FBXO7: variants seen among roughly 807,000 people sequenced by gnomAD.
FBXO7 encodes F-box protein 7.
In FBXO7, 31 loss-of-function variants were observed where a neutral mutation model predicts 50.2. The observed-to-expected ratio is 0.62, with a 90% CI of 0.46 to 0.83. The LOEUF (loss-of-function observed/expected upper bound fraction) is 0.83. Among genes scored for constraint, FBXO7 ranks in the 40% least tolerant of loss-of-function variants. The pLI, the probability that FBXO7 is intolerant of heterozygous loss-of-function variation, is 0.00. For synonymous variants in FBXO7, 256 were observed against 253.1 expected (o/e 1.01, Z -0.11); for missense variants, 667 against 646.6 (o/e 1.03, Z -0.34).
At chr22:32,493,711 T>G (rs147671408) in intron 7 of FBXO7, among the ~76,000 whole-genome samples, 2 of 152,318 alleles carry the variant, frequency 1.3e-5, no homozygotes, top group African/African-American at 4.8e-5. Context: ...GGTAATTATT[T>G]TGGCAGTGAT....
At chr22:32,480,879 T>C (rs1475926852) in intron 2 of FBXO7, among the ~76,000 whole-genome samples, 3 of 152,174 alleles carry the variant, frequency 2.0e-5, no homozygotes, top group Non-Finnish European at 1.5e-5. Flanking sequence ...TTGCTCAGGC[T>C]GGTCTTGAAC....
chr22:32,491,347 T>G (rs1362623076), intron 6 of FBXO7, 166 bp downstream of exon 6: 2 of 589,058 alleles, frequency 3.4e-6, no homozygotes, highest in East Asian at 5.9e-5. Context: ...TACTTTATCT[T>G]TGTATCTCCA....
rs1177279211 is a variant in FBXO7, at chr22:32,483,889, T to C, written c.418-8T>C. 1 of 1,612,182 alleles carries C rather than the reference T, an allele frequency of 6.2e-7. No homozygotes were observed. The highest frequency in any genetic ancestry group is 8.5e-7 in the Non-Finnish European group (1 of 1,178,312). On this transcript the variant is annotated splice_region_variant and splice_polypyrimidine_tract_variant and intron_variant, in intron 2 of 8. Transcript: ENST00000266087. ...TAATTAATTCATTGTTTTGTTTTCC[T>C]TTTTCAGTTAGGGCCTAGTCAAAAT...
At chr22:32,496,000 A>C (rs565431402) in intron 8 of FBXO7, among the ~76,000 whole-genome samples, 5 of 152,372 alleles carry the variant, frequency 3.3e-5, no homozygotes, top group Admixed American at 1.3e-4. Flanking sequence ...ATTACACAAC[A>C]GATTTTCAGT....
chr22:32,479,770 G>A (rs1469909524), intron 2 of FBXO7, among the ~76,000 whole-genome samples: 1 of 152,078 alleles, frequency 6.6e-6, no homozygotes, highest in Non-Finnish European at 1.5e-5. Flanking sequence ...GCATCCCAAA[G>A]TACCTAGTGT....
chr22:32,477,318 A>C (rs2057435341), intron 1 of FBXO7, among the ~76,000 whole-genome samples: 1 of 152,262 alleles, frequency 6.6e-6, no homozygotes, highest in Non-Finnish European at 1.5e-5. Flanking sequence ...TAAACAATAT[A>C]ATTTTTAAAG....
At chr22:32,477,931 A>G (rs2057439331) in intron 1 of FBXO7, 1 of 152,236 alleles carries the variant, frequency 6.6e-6, no homozygotes, top group Admixed American at 6.5e-5. Context: ...ATCATAGACA[A>G]GTAAATACGA....
chr22:32,484,950 A>G (rs2057488994), intron 3 of FBXO7, 118 bp from the exon 4 acceptor site: 7 of 1,160,224 alleles, frequency 6.0e-6, no homozygotes, highest in Admixed American at 1.8e-5. Context: ...GATGCATTTT[A>G]TTAAGAGGAC....
intron 5 of FBXO7, 158 bp downstream of exon 5, chr22:32,487,986 ATG>A (rs2057510101): frequency 1.6e-6 from 1 of 614,744 alleles, no homozygotes; most frequent in African/African-American, 1.9e-5. Context: ...GGTTTAAAAA[ATG>A]TGAAAGTTTT....
intron 7 of FBXO7, among the ~76,000 whole-genome samples, chr22:32,495,238 C>A (rs2057565094): frequency 6.6e-6 from 1 of 152,198 alleles, no homozygotes; most frequent in East Asian, 1.9e-4. Flanking sequence ...CCTCCATAGT[C>A]CCTGAGGAAT....
intron 7 of FBXO7, among the ~76,000 whole-genome samples, chr22:32,495,289 AT>A (rs1449696650): frequency 2.0e-5 from 3 of 152,220 alleles, no homozygotes; most frequent in Admixed American, 6.5e-5. Flanking sequence ...AGCAGCAATG[AT>A]CACCCTTAAC....
intron 1 of FBXO7, chr22:32,478,097 G>A (rs528688080): frequency 7.9e-5 from 12 of 152,416 alleles, no homozygotes; most frequent in Non-Finnish European, 1.6e-4. Flanking sequence ...AGGCTGCAAT[G>A]AAGTTGATCT....
At chr22:32,481,496 G>A (rs766425096) in intron 2 of FBXO7, among the ~76,000 whole-genome samples, 1 of 152,160 alleles carries the variant, frequency 6.6e-6, no homozygotes, top group Non-Finnish European at 1.5e-5. Context: ...ACTAATTTCA[G>A]TTCTAAGATT....
Position 32,493,113 on chromosome 22 carries a change from C to T in FBXO7, c.976C>T (p.Leu326=), listed in dbSNP as rs1252910221. 6.2e-7 allele frequency: 1 copy of T among 1,614,132 alleles called. No homozygotes were observed. The highest frequency in any genetic ancestry group is 8.5e-7 in the Non-Finnish European group (1 of 1,179,986). The change falls in exon 7 of 9, where the codon CTA becomes TTA. Residue 326 remains leucine, a synonymous_variant. Transcript: ENST00000266087. ...TCTTTTTTTCCTTTTAGCACTGAAC[C>T]TACCAGATGTATTTGGGTTGGTCGT... ...LLAFTRQALN[L]PDVFGLVVLP...
chr22:32,490,763 T>C lies in FBXO7; in HGVS notation c.872-323T>C, dbSNP rs779787492. 3.6e-5 allele frequency: 11 copies of C among 302,490 alleles called. 1 individual carries two copies. The highest frequency in any genetic ancestry group is 7.3e-5 in the South Asian group (2 of 27,386). 18.7% of individuals were successfully genotyped at this position (302,490 alleles called of 1,614,324 possible). ...GAGCAGTTCTCCACTGTATCCTTAG[T>C]GCCCAGAACAGATTGATAGCTATCA... On this transcript the variant is annotated intron_variant, in intron 5 of 8. Transcript: ENST00000266087.
chr22:32,479,478 A>T (rs548747703), intron 2 of FBXO7, among the ~76,000 whole-genome samples: 12 of 150,840 alleles, frequency 8.0e-5, no homozygotes, highest in Non-Finnish European at 1.6e-4. Context: ...GCTCACTGCA[A>T]CCTCTGCCTC....
chr22:32,484,438 A>G (rs561706353), intron 3 of FBXO7, among the ~76,000 whole-genome samples: 33 of 152,270 alleles, frequency 2.2e-4, no homozygotes, highest in African/African-American at 5.8e-4. Context: ...CATAATACCA[A>G]TGTTGCTGGT....
intron 4 of FBXO7, among the ~76,000 whole-genome samples, chr22:32,486,285 A>G (rs992354146): frequency 2.0e-5 from 3 of 151,534 alleles, no homozygotes; most frequent in Non-Finnish European, 4.4e-5. Flanking sequence ...GACTCATGCC[A>G]TCTTGATCTT....
At position 32,498,664 on chromosome 22, in the gene FBXO7, A is replaced by C; in HGVS notation, c.*134A>C. On this transcript the variant is annotated 3_prime_UTR_variant, in exon 9 of 9. Transcript: ENST00000266087. The stretch of plus-strand genomic sequence containing the variant: ...AGAGTTGCACTCCCAGAAACCTTTT[A>C]AGAGATACATTTATAGCCCTAGGGG... The C allele has an allele frequency of 9.2e-7, 1 of 1,086,026 alleles. No individual in the cohort carries two copies. The allele number at this position is 1,086,026 out of a possible 1,614,324, so 67.3% of individuals were successfully genotyped here. A position where few individuals can be genotyped will look rare whatever the true frequency, so the allele number is the denominator to read the frequency against.
Sources: gnomAD v4.1 joint callset for allele counts (sites outside exome capture counted in the v4.1 genomes callset) on GRCh38, gnomAD v4.1.1 for gene constraint, MANE v1.5 for transcripts, NCBI Gene and HGNC (gene_info 2026-07-23, HGNC 2026-07-21) for gene names.